Variants in PMPCB observed in about 807,000 individuals in gnomAD.
The protein encoded by PMPCB is mitochondrial-processing peptidase subunit beta.
In PMPCB, 46 loss-of-function variants were observed where a neutral mutation model predicts 61.5. That is an observed-to-expected ratio of 0.75 (90% CI 0.59 to 0.96). PMPCB has a LOEUF of 0.96. Ranked by LOEUF, PMPCB falls within the 40% of genes least tolerant of loss-of-function variation. The pLI is 0.00. For synonymous variants in PMPCB, 191 were observed against 201.6 expected (o/e 0.95, Z 0.44); for missense variants, 590 against 602.4 (o/e 0.98, Z 0.22).
the PMPCB span, chr7:103,337,561 T>G: frequency 1.8e-6 from 1 of 562,108 alleles, no homozygotes; most frequent in Non-Finnish European, 3.1e-6. Flanking sequence ...TGGATTGCTT[T>G]CTTCTGATTC....
At chr7:103,297,870 T>G (rs1390498701) in intron 1 of PMPCB, 3 of 1,435,780 alleles carry the variant, frequency 2.1e-6, no homozygotes, top group East Asian at 6.2e-5. Flanking sequence ...AAAAGTGAAA[T>G]GGGTACCGCT....
At position 103,297,524 on chromosome 7, in the gene PMPCB, G is replaced by A. The variant is rs1817316352; in HGVS notation, c.65G>A (p.Ser22Asn). The A allele has an allele frequency of 6.2e-7, 1 of 1,604,098 alleles. No homozygotes were observed. The highest frequency in any genetic ancestry group is 8.5e-7 in the Non-Finnish European group (1 of 1,174,560). The change falls in exon 1 of 13, where the codon AGC becomes AAC. Residue 22 changes from serine to asparagine, a missense_variant. Physicochemically the swap from Ser to Asn is conservative, Grantham distance 46. Coordinates refer to ENST00000249269, the MANE Select transcript of PMPCB (RefSeq NM_004279.3). ...SAARRRLWGF[S>N]ESLLIRGAAG... ...GCGCGGCGGCGGCTCTGGGGTTTCAGCGAGAGTCTTCTAATCCGAGGCGCT... is the reference window on the plus strand; with the variant it reads ...GCGCGGCGGCGGCTCTGGGGTTTCAACGAGAGTCTTCTAATCCGAGGCGCT...
chr7:103,326,410 G>A, intron 12 of PMPCB: 2 of 754,600 alleles, frequency 2.7e-6, no homozygotes, highest in East Asian at 3.0e-5. Flanking sequence ...TGCAGAGAAG[G>A]AGGAGGAGGA....
At chr7:103,310,272 C>G (rs375191523) in intron 8 of PMPCB, 43 bp from the exon 9 acceptor site, 3 of 1,481,792 alleles carry the variant, frequency 2.0e-6, no homozygotes, top group Middle Eastern at 1.7e-4. Context: ...GTATTTTGGA[C>G]ATGTATAATT....
chr7:103,298,773 A>G, intron 2 of PMPCB, 65 bp downstream of exon 2: 1 of 1,497,832 alleles, frequency 6.7e-7, no homozygotes, highest in Non-Finnish European at 9.1e-7. Flanking sequence ...GTTGATTTTA[A>G]TCTTTAGCTT....
chr7:103,299,539 A>G lies in PMPCB; in HGVS notation c.327+10A>G. The G allele has an allele frequency of 6.4e-7, 1 of 1,555,944 alleles. No individual in the cohort carries two copies. The highest frequency in any genetic ancestry group is 8.8e-7 in the Non-Finnish European group (1 of 1,131,068). Reference sequence around the variant, plus strand: ...GCATATGGCTTTCAAGGCAAGTTGTAAGACTTTACAAAAATGCACTCTCTT... The same window carrying G: ...GCATATGGCTTTCAAGGCAAGTTGTGAGACTTTACAAAAATGCACTCTCTT... On this transcript the variant is annotated intron_variant, in intron 3 of 12. Transcript: ENST00000249269.
rs1817821886 is a variant in PMPCB at position 103,312,775 on chromosome 7, G to A, written c.*504G>A. 1 of 1,509,298 alleles carries A rather than the reference G, an allele frequency of 6.6e-7. No individual in the cohort carries two copies. 93.5% of individuals were successfully genotyped at this position (1,509,298 alleles called of 1,614,324 possible). ...ATATACTGATTTCATTATCTGCCAG[G>A]GCCTAGAAAGTTTCTAAGGTTGCTC... On this transcript the variant is annotated 3_prime_UTR_variant, in exon 13 of 13. Coordinates refer to ENST00000249269, the MANE Select transcript of PMPCB (RefSeq NM_004279.3).
Position 103,303,879 on chromosome 7 carries a change from A to G in PMPCB, c.495A>G (p.Thr165=), listed in dbSNP as rs377098475. 14 of 1,613,802 alleles carry G rather than the reference A, an allele frequency of 8.7e-6. No individual in the cohort carries two copies. Among genetic ancestry groups the G allele is most frequent in the Non-Finnish European group, 1.2e-5 (14 of 1,179,756 alleles). ...EILADIIQNS[T]LGEAEIERER... is the part of the protein sequence containing the mutation. ...TTGCTGATATAATACAAAACAGCAC[A>G]TTGGGAGAAGCAGAGATTGAACGTG... The change falls in exon 5 of 13, where the codon ACA becomes ACG. Residue 165 remains threonine (T), a synonymous_variant. Transcript: ENST00000249269.
intron 6 of PMPCB, among the ~76,000 whole-genome samples, chr7:103,306,907 T>A (rs1404792519): frequency 1.3e-5 from 2 of 152,092 alleles, no homozygotes; most frequent in Non-Finnish European, 2.9e-5. Context: ...TACAGGCGCC[T>A]GCTACCATGC....
intron 2 of PMPCB, 61 bp downstream of exon 2, chr7:103,298,769 T>A (rs1817365876): frequency 2.0e-6 from 3 of 1,516,894 alleles, no homozygotes; most frequent in Non-Finnish European, 2.7e-6. Context: ...AATTGTTGAT[T>A]TTAATCTTTA....
chr7:103,322,706 C>T (rs773765125), intron 12 of PMPCB: 1 of 1,612,592 alleles, frequency 6.2e-7, no homozygotes, highest in South Asian at 1.1e-5. Context: ...TACTTACCAA[C>T]TAATGTTCTT....
rs1158156136 is a variant in PMPCB at position 103,308,943 on chromosome 7, C to CT, written c.850-7dup. On this transcript the variant is annotated splice_polypyrimidine_tract_variant and intron_variant, in intron 7 of 12. Coordinates refer to ENST00000249269, the MANE Select transcript of PMPCB (RefSeq NM_004279.3). ...TTAACTAGAGGTCCTCCTGCTTTATCTTAACTAGATTCGTGTGAGGGATGA... is the reference window on the plus strand; with the variant it reads ...TTAACTAGAGGTCCTCCTGCTTTATCTTTAACTAGATTCGTGTGAGGGATGA... 6.4e-7 allele frequency: 1 copy of CT among 1,564,076 alleles called. No homozygotes were observed. Among genetic ancestry groups the CT allele is most frequent in the Non-Finnish European group, 8.7e-7 (1 of 1,155,510 alleles).
Position 103,307,604 on chromosome 7 carries a change from CATG to C in PMPCB, c.750_752del (p.Asp250del). The C allele has an allele frequency of 6.3e-7, 1 of 1,598,472 alleles. No homozygotes were observed. The stretch of plus-strand genomic sequence containing the variant: ...ATTTTCTTTCAATTTAGGTGTTTCC[CATG>C]ATGAATTGCTTGACTTAGCAAAGTT... On this transcript the variant is annotated inframe_deletion, in exon 7 of 13. Coordinates refer to ENST00000249269, the MANE Select transcript of PMPCB (RefSeq NM_004279.3).
downstream of PMPCB, among the ~76,000 whole-genome samples, chr7:103,330,919 T>C (rs1295692097): frequency 6.6e-6 from 1 of 151,760 alleles, no homozygotes; most frequent in Non-Finnish European, 1.5e-5. Context: ...TACACACTTA[T>C]GGGGTGCATG....
At position 103,311,634 on chromosome 7, in the gene PMPCB, G is replaced by T; in HGVS notation, c.1155-9G>T. 1.2e-6 allele frequency: 2 copies of T among 1,607,270 alleles called. No homozygotes were observed. The highest frequency in any genetic ancestry group is 2.2e-5 in the South Asian group (2 of 89,578). On this transcript the variant is annotated splice_polypyrimidine_tract_variant and intron_variant, in intron 9 of 12. Transcript: ENST00000249269. ...TTTCCAACTACTACTGTTTTTCCAC[G>T]TTTTTTAGGATGCGACTCTGTACAA...
intron 1 of PMPCB, among the ~76,000 whole-genome samples, chr7:103,298,127 T>TC (rs1418018494): frequency 6.6e-6 from 1 of 150,424 alleles, no homozygotes; most frequent in Non-Finnish European, 1.5e-5. Context: ...ATCCTCTCTC[T>TC]CTTTTTTTTT....
chr7:103,317,107 C>G (rs576186404), downstream of PMPCB: 2 of 1,098,670 alleles, frequency 1.8e-6, no homozygotes, highest in Admixed American at 2.3e-5. Context: ...CCTCAACTCT[C>G]AATGTCATTC....
In PMPCB at chr7:103,313,051, C is replaced by T. The variant is rs1456086220; in HGVS notation, c.*780C>T. On this transcript the variant is annotated 3_prime_UTR_variant, in exon 13 of 13. Transcript: ENST00000249269. The stretch of plus-strand genomic sequence containing the variant: ...ACTGGGTATGTTTTCAAAGCTTGTT[C>T]CAAAAGCTTCTGTTCTTCTGTTGTC... 6.2e-7 allele frequency: 1 copy of T among 1,613,980 alleles called. No homozygotes were observed. Among genetic ancestry groups the T allele is most frequent in the Non-Finnish European group, 8.5e-7 (1 of 1,179,940 alleles).
At position 103,310,481 on chromosome 7, in the gene PMPCB, A is replaced by G; in HGVS notation, c.1154+6A>G. On this transcript the variant is annotated splice_donor_region_variant and intron_variant, in intron 9 of 12. Transcript: ENST00000249269. ...CATGTTGTTCAAAAAGAATGGTGAG[A>G]AAAATAGCTTTAAGTAATTTAAATT... is the stretch of plus-strand genomic sequence containing the variant. 1.3e-6 allele frequency: 2 copies of G among 1,591,752 alleles called. No individual in the cohort carries two copies. The highest frequency in any genetic ancestry group is 1.7e-6 in the Non-Finnish European group (2 of 1,170,428).
Sources: allele counts gnomAD v4.1 joint callset (sites outside exome capture counted in the v4.1 genomes callset), GRCh38; gene constraint gnomAD v4.1.1; transcripts MANE v1.5; gene names NCBI Gene and HGNC (gene_info 2026-07-23, HGNC 2026-07-21).